CPED1: variants seen among roughly 807,000 people sequenced by gnomAD.
CPED1 encodes the protein cadherin like and PC-esterase domain containing 1.
In CPED1, 114 loss-of-function variants were observed where a neutral mutation model predicts 128.2. The ratio of observed to expected loss-of-function variants is 0.89; its 90% confidence interval spans 0.76 to 1.04. The LOEUF is 1.04. Among genes scored for constraint, CPED1 ranks in the 50% least tolerant of loss-of-function variants. CPED1 has a pLI of 0.00. For missense variants in CPED1, 1,211 were observed against 1,207.1 expected, an observed-to-expected ratio of 1.00 and a Z score of -0.05; for synonymous variants, 462 against 426.7, an observed-to-expected ratio of 1.08 and a Z score of -1.02.
At chr7:121,060,396 G>T (rs1353720802) in intron 4 of CPED1, among the ~76,000 whole-genome samples, 1 of 152,250 alleles carries the variant, frequency 6.6e-6, no homozygotes, top group South Asian at 2.1e-4. Context: ...AGCCAGCTGA[G>T]CTCCTGAGTC....
chr7:121,201,524 AAAGGAAGG>A, intron 16 of CPED1, among the ~76,000 whole-genome samples: 1 of 151,508 alleles, frequency 6.6e-6, no homozygotes, highest in East Asian at 2.0e-4. Context: ...GAAAGAGAGG[AAAGGAAGG>A]AAGGAAGAAA....
At chr7:121,038,504 A>G (rs1433033427) in intron 3 of CPED1, among the ~76,000 whole-genome samples, 1 of 152,166 alleles carries the variant, frequency 6.6e-6, no homozygotes, top group Non-Finnish European at 1.5e-5. Flanking sequence ...CTTTGGTGAC[A>G]TGTATAATTA....
chr7:121,101,140 T>C (rs1042204020), intron 7 of CPED1, among the ~76,000 whole-genome samples: 1 of 152,114 alleles, frequency 6.6e-6, no homozygotes, highest in East Asian at 1.9e-4. Flanking sequence ...CAACCTTGCC[T>C]TCTCAAGACT....
chr7:121,181,037 A>G (rs1226741154), intron 16 of CPED1, among the ~76,000 whole-genome samples: 1 of 152,092 alleles, frequency 6.6e-6, no homozygotes, highest in Non-Finnish European at 1.5e-5. Flanking sequence ...TTTTTCCATC[A>G]TGTTCAAGAA....
At chr7:121,060,668 A>G (rs1025731623) in intron 4 of CPED1, among the ~76,000 whole-genome samples, 2 of 152,130 alleles carry the variant, frequency 1.3e-5, no homozygotes, top group Admixed American at 6.5e-5. Flanking sequence ...AAACGCACCA[A>G]TCAGTGCCCT....
intron 2 of CPED1, 60 bp downstream of exon 2, chr7:120,989,930 G>T (rs887091796): frequency 6.9e-6 from 11 of 1,590,988 alleles, no homozygotes; most frequent in Non-Finnish European, 8.6e-6. Context: ...CTGCTTCTCT[G>T]TCCTTTCTAT....
chr7:121,180,819 G>T (rs1281264025), intron 16 of CPED1, among the ~76,000 whole-genome samples: 3 of 151,912 alleles, frequency 2.0e-5, no homozygotes, highest in African/African-American at 7.2e-5. Context: ...ATGGAAGGTG[G>T]TTACTTTTAA....
intron 22 of CPED1, among the ~76,000 whole-genome samples, chr7:121,291,496 T>C (rs1792700973): frequency 6.6e-6 from 1 of 152,250 alleles, no homozygotes; most frequent in Non-Finnish European, 1.5e-5. Context: ...TTTGTAGTTC[T>C]CCTTGAAGAG....
rs557595813 is a variant in CPED1, at chr7:121,218,357, A to G, written c.2056-18357A>G. Among the ~76,000 whole-genome samples, 16 of 152,096 alleles carry G rather than the reference A, an allele frequency of 1.1e-4. No homozygotes were observed. In the South Asian group the frequency reaches 3.3e-3, roughly 32 times the overall value. ...TGGTGCCCAAAACTAATGTGACTGCATCTTTTATTAAATATTCAACTCTCT... is the reference window on the plus strand; with the variant it reads ...TGGTGCCCAAAACTAATGTGACTGCGTCTTTTATTAAATATTCAACTCTCT... On this transcript the variant is annotated intron_variant, in intron 16 of 22. Transcript: ENST00000310396.
intron 16 of CPED1, among the ~76,000 whole-genome samples, chr7:121,156,570 G>A (rs137863855): frequency 1.8e-4 from 28 of 152,142 alleles, no homozygotes; most frequent in African/African-American, 6.8e-4. Flanking sequence ...TATATTAAGT[G>A]AAATAAGCCA....
At chr7:121,036,505 A>ATTT (rs1176031261) in intron 3 of CPED1, among the ~76,000 whole-genome samples, 1 of 135,514 alleles carries the variant, frequency 7.4e-6, no homozygotes, top group African/African-American at 3.0e-5. Flanking sequence ...ATATATATAT[A>ATTT]TATTTTTTTT....
chr7:121,028,528 T>A (rs765569622), intron 3 of CPED1, among the ~76,000 whole-genome samples: 3 of 152,156 alleles, frequency 2.0e-5, no homozygotes, highest in Non-Finnish European at 4.4e-5. Flanking sequence ...AAGCCAATGA[T>A]CTCATTTTAA....
chr7:121,093,185 G>C (rs1404618396), intron 5 of CPED1, among the ~76,000 whole-genome samples: 1 of 152,020 alleles, frequency 6.6e-6, no homozygotes, highest in Non-Finnish European at 1.5e-5. Context: ...ACAGTAGTAT[G>C]TTTAGTCACT....
At chr7:121,082,243 GA>G (rs1405419632) in intron 5 of CPED1, among the ~76,000 whole-genome samples, 1 of 152,060 alleles carries the variant, frequency 6.6e-6, no homozygotes, top group African/African-American at 2.4e-5. Context: ...CTTTATAAAA[GA>G]ATATTATGAG....
At chr7:121,276,895 C>T (rs937087369) in intron 22 of CPED1, among the ~76,000 whole-genome samples, 1 of 152,010 alleles carries the variant, frequency 6.6e-6, no homozygotes, top group Non-Finnish European at 1.5e-5. Context: ...TGGAGACCCA[C>T]TGAAAGGTTT....
At chr7:121,218,704 C>G (rs1797814912) in intron 16 of CPED1, among the ~76,000 whole-genome samples, 1 of 151,806 alleles carries the variant, frequency 6.6e-6, no homozygotes, top group Non-Finnish European at 1.5e-5. Flanking sequence ...TGGGGACTGT[C>G]AGGGGACATG....
intron 22 of CPED1, among the ~76,000 whole-genome samples, chr7:121,293,445 A>G (rs896951182): frequency 5.9e-5 from 9 of 152,116 alleles, no homozygotes; most frequent in African/African-American, 1.9e-4. Context: ...GTTGGACTCC[A>G]TGGGGTGGGA....
intron 7 of CPED1, among the ~76,000 whole-genome samples, chr7:121,107,237 ATCTT>A (rs943088585): frequency 1.3e-5 from 2 of 152,094 alleles, no homozygotes; most frequent in African/African-American, 2.4e-5. Flanking sequence ...AATTTTATAA[ATCTT>A]TATCCCTAAG....
intron 5 of CPED1, among the ~76,000 whole-genome samples, chr7:121,071,938 AATC>A (rs1359305254): frequency 2.0e-5 from 3 of 152,024 alleles, no homozygotes; most frequent in Non-Finnish European, 4.4e-5. Flanking sequence ...ACCACTTTAT[AATC>A]ACTTTCTTTT....
Sources: gnomAD v4.1 joint callset for allele counts (sites outside exome capture counted in the v4.1 genomes callset) on GRCh38, gnomAD v4.1.1 for gene constraint, MANE v1.5 for transcripts, NCBI Gene and HGNC (gene_info 2026-07-23, HGNC 2026-07-21) for gene names.